The following TMEM131L variants were observed in gnomAD, a reference collection of about 807,000 sequenced individuals.
The protein encoded by TMEM131L is transmembrane protein 131-like.
In TMEM131L, 54 loss-of-function variants were observed where a neutral mutation model predicts 192.2. That is an observed-to-expected ratio of 0.28 (90% CI 0.23 to 0.35). The LOEUF is 0.35. TMEM131L is among the 10% of genes least tolerant of loss of function. The probability of loss-of-function intolerance (pLI) is 1.00; values close to 1 mark genes in which losing one functional copy is unlikely to be tolerated. For missense variants in TMEM131L, 1,888 were observed against 1,972.9 expected (o/e 0.96, Z 0.82); for synonymous variants, 701 against 704.9 (o/e 0.99, Z 0.09).
At chr4:153,472,166 A>C (rs1258028999) in intron 2 of TMEM131L, among the ~76,000 whole-genome samples, 1 of 152,192 alleles carries the variant, frequency 6.6e-6, no homozygotes, top group African/African-American at 2.4e-5. Context: ...AAACACTATG[A>C]AGTTTACAGA....
At chr4:153,536,642 A>T (rs1736350692) in intron 3 of TMEM131L, among the ~76,000 whole-genome samples, 1 of 152,158 alleles carries the variant, frequency 6.6e-6, no homozygotes, top group Non-Finnish European at 1.5e-5. Context: ...TGTCAGTCAG[A>T]TTCTCTAGAG....
intron 3 of TMEM131L, among the ~76,000 whole-genome samples, chr4:153,536,791 CG>C (rs1416696171): frequency 6.6e-6 from 1 of 151,222 alleles, no homozygotes; most frequent in African/African-American, 2.4e-5. Flanking sequence ...TAAACTCACC[CG>C]ATCACAAGGT....
intron 23 of TMEM131L, 150 bp downstream of exon 23, chr4:153,602,877 T>C: frequency 2.8e-6 from 2 of 726,256 alleles, no homozygotes; most frequent in Non-Finnish European, 4.7e-6. Context: ...CCATGAAGTA[T>C]TCACTGGTAC....
chr4:153,606,104 G>T (rs1732214568), intron 25 of TMEM131L, among the ~76,000 whole-genome samples: 1 of 152,156 alleles, frequency 6.6e-6, no homozygotes, highest in Non-Finnish European at 1.5e-5. Flanking sequence ...GGCATACCTT[G>T]TCTGTGGATG....
intron 4 of TMEM131L, among the ~76,000 whole-genome samples, chr4:153,551,792 T>C (rs1418449906): frequency 2.6e-5 from 4 of 152,250 alleles, no homozygotes; most frequent in Non-Finnish European, 5.9e-5. Context: ...TTTTTACTCT[T>C]ATGTAAAGAA....
At chr4:153,512,259 G>T (rs1039540665) in intron 3 of TMEM131L, among the ~76,000 whole-genome samples, 3 of 152,182 alleles carry the variant, frequency 2.0e-5, no homozygotes, top group Non-Finnish European at 4.4e-5. Flanking sequence ...TAAAATTACA[G>T]TGTGAAAATT....
At chr4:153,543,515 T>C (rs1736951093) in intron 3 of TMEM131L, among the ~76,000 whole-genome samples, 1 of 152,234 alleles carries the variant, frequency 6.6e-6, no homozygotes. Context: ...CATAGGCGTT[T>C]CCAGGCAGTG....
In TMEM131L at chr4:153,586,397, A is replaced by T; in HGVS notation, c.1482+18A>T. 2 of 1,547,764 alleles carry T rather than the reference A, an allele frequency of 1.3e-6. No individual in the cohort carries two copies. The highest frequency in any genetic ancestry group is 1.7e-6 in the Non-Finnish European group (2 of 1,149,368). The stretch of plus-strand genomic sequence containing the variant: ...CAACCAAGGTATTTTCTACAATACT[A>T]TATGTGTGTTACAGTTTTCTTAATT... On this transcript the variant is annotated intron_variant, in intron 14 of 34. Transcript: ENST00000409959.
rs760712415 is a variant in TMEM131L, at chr4:153,626,191, T to C, written c.4090T>C (p.Ser1364Pro). The C allele has an allele frequency of 6.2e-7, 1 of 1,612,376 alleles. No homozygotes were observed. Among genetic ancestry groups the C allele is most frequent in the South Asian group, 1.1e-5 (1 of 90,948 alleles). The change falls in exon 30 of 35, where the codon TCC becomes CCC. Residue 1364 changes from serine to proline, a missense_variant. Ser to Pro is a moderately conservative substitution (Grantham distance 74, BLOSUM62 -1). Coordinates refer to ENST00000409959, the MANE Select transcript of TMEM131L (RefSeq NM_001131007.2). ...QNDFPSEAPI[S>P]LNLSHNICNP... ...TGATTTTCCTTCTGAAGCTCCCATC[T>C]CCTTGAATCTTTCTCATAACATCTG...
Position 153,583,555 on chromosome 4 carries a change from T to A in TMEM131L, c.952-9T>A. On this transcript the variant is annotated splice_polypyrimidine_tract_variant and intron_variant, in intron 10 of 34. Coordinates refer to ENST00000409959, the MANE Select transcript of TMEM131L (RefSeq NM_001131007.2). ...AGAGTAGTCACATGGGACTTTTCTTTTATTTCAGGATATACGCCATTTCTC... is the reference window on the plus strand; with the variant it reads ...AGAGTAGTCACATGGGACTTTTCTTATATTTCAGGATATACGCCATTTCTC... 3 of 1,586,450 alleles carry A rather than the reference T, an allele frequency of 1.9e-6. No individual in the cohort carries two copies. The highest frequency in any genetic ancestry group is 2.6e-6 in the Non-Finnish European group (3 of 1,155,758).
intron 25 of TMEM131L, among the ~76,000 whole-genome samples, chr4:153,607,217 G>T: frequency 6.6e-6 from 1 of 152,260 alleles, no homozygotes; most frequent in Admixed American, 6.5e-5. Flanking sequence ...AATGATAAAC[G>T]CGTATAATTG....
chr4:153,579,075 C>T (rs1730161486), intron 7 of TMEM131L, among the ~76,000 whole-genome samples: 1 of 152,106 alleles, frequency 6.6e-6, no homozygotes, highest in African/African-American at 2.4e-5. Flanking sequence ...AAATCTAGTT[C>T]TTCAGGCTGG....
chr4:153,524,805 T>C (rs1244474618), intron 3 of TMEM131L, among the ~76,000 whole-genome samples: 6 of 152,242 alleles, frequency 3.9e-5, no homozygotes, highest in African/African-American at 1.2e-4. Context: ...TTTATCACTT[T>C]ATGTTATTTA....
At chr4:153,621,901 C>T (rs756129050) in intron 28 of TMEM131L, 52 bp downstream of exon 28, 4 of 1,562,784 alleles carry the variant, frequency 2.6e-6, no homozygotes, top group Non-Finnish European at 3.5e-6. Flanking sequence ...ATTTTTGTTT[C>T]CTCAATGAAG....
At chr4:153,602,381 T>C (rs1419332828) in intron 22 of TMEM131L, 43 bp downstream of exon 22, 8 of 1,589,668 alleles carry the variant, frequency 5.0e-6, no homozygotes, top group Non-Finnish European at 6.8e-6. Context: ...TGTGGTGCGT[T>C]TAACAATGTG....
At position 153,635,842 on chromosome 4, in the gene TMEM131L, G is replaced by A. The variant is rs1734530571; in HGVS notation, c.4557+271G>A. Among the ~76,000 whole-genome samples, 3 of 152,154 alleles carry A rather than the reference G, an allele frequency of 2.0e-5. No individual in the cohort carries two copies. The South Asian group carries it at 6.2e-4, about 32-fold the overall frequency. On this transcript the variant is annotated intron_variant, in intron 34 of 34. Transcript: ENST00000409959. The stretch of plus-strand genomic sequence containing the variant: ...ACACACCAAGCAATGGTCCTTTGTA[G>A]ATAAAATTGAACATGGGCCAGCCCT...
Position 153,581,438 on chromosome 4 carries a change from G to A in TMEM131L, c.770G>A (p.Arg257His), listed in dbSNP as rs375755658. 3.7e-5 allele frequency: 59 copies of A among 1,573,812 alleles called. No homozygotes were observed. Among genetic ancestry groups the A allele is most frequent in the South Asian group, 9.4e-5 (8 of 84,738 alleles). ...GCYLESDDVL[R>H]LQMSIMVTME... ...TATCTGGAATCTGATGATGTTTTGC[G>A]TCTACAAATGAGCATAATGGTAACA... Residue 257 changes from arginine (R) to histidine (H), a missense_variant, in exon 9 of 35, where the codon CGT becomes CAT. Transcript: ENST00000409959.
intron 3 of TMEM131L, among the ~76,000 whole-genome samples, chr4:153,524,129 C>A (rs1013176997): frequency 7.2e-6 from 1 of 138,630 alleles, no homozygotes; most frequent in African/African-American, 2.7e-5. Context: ...TGTTTCACTT[C>A]TGTTTTTTTT....
chr4:153,489,283 G>C lies in TMEM131L; in HGVS notation c.239+15395G>C, dbSNP rs186304282. On this transcript the variant is annotated intron_variant, in intron 3 of 34. Transcript: ENST00000409959. ...CCACTGTGAAGCTTCCTTCCTGAGA[G>C]CTGCACAGACCAGTCTACGGCAGCT... 2.8e-3 allele frequency among the ~76,000 whole-genome samples: 421 copies of C among 152,264 alleles called. 4 individuals carry two copies. The highest frequency in any genetic ancestry group is 0.014 in the South Asian group (67 of 4,830).
Sources: gnomAD v4.1 joint callset for allele counts (sites outside exome capture counted in the v4.1 genomes callset) on GRCh38, gnomAD v4.1.1 for gene constraint, MANE v1.5 for transcripts, NCBI Gene and HGNC (gene_info 2026-07-23, HGNC 2026-07-21) for gene names.